Variants in POLD3 observed in about 807,000 individuals in gnomAD.
POLD3 encodes the protein DNA polymerase delta subunit 3.
POLD3 carries 19 observed loss-of-function variants against 58.2 expected under a neutral mutation model. The ratio of observed to expected loss-of-function variants is 0.33; its 90% confidence interval spans 0.23 to 0.48. The LOEUF (loss-of-function observed/expected upper bound fraction) is 0.48, where lower values mean the gene tolerates loss of function less well. Among genes scored for constraint, POLD3 ranks in the 20% least tolerant of loss-of-function variants. The pLI, the probability that POLD3 is intolerant of heterozygous loss-of-function variation, is 0.99. For synonymous variants in POLD3, 172 were observed against 193.5 expected, an observed-to-expected ratio of 0.89 and a Z score of 0.92; for missense variants, 504 against 545.5, an observed-to-expected ratio of 0.92 and a Z score of 0.76.
At chr11:74,660,723 G>A (rs1330711083) in intron 4 of POLD3, among the ~76,000 whole-genome samples, 2 of 152,032 alleles carry the variant, frequency 1.3e-5, no homozygotes, top group Non-Finnish European at 2.9e-5. Context: ...TCCTTCTCTG[G>A]CCAGGTAAGG....
chr11:74,600,881 G>C (rs1017054372), intron 2 of POLD3, among the ~76,000 whole-genome samples: 14 of 151,720 alleles, frequency 9.2e-5, no homozygotes, highest in Admixed American at 3.3e-4. Context: ...CCATGTGCCC[G>C]GCTAATTTTG....
At chr11:74,611,301 A>G (rs2031903280) in intron 3 of POLD3, among the ~76,000 whole-genome samples, 198 bp from the exon 4 acceptor site, 1 of 152,180 alleles carries the variant, frequency 6.6e-6, no homozygotes, top group Non-Finnish European at 1.5e-5. Context: ...AAGTTTTAAG[A>G]TAAGCAAATT....
In POLD3 at chr11:74,629,277, G is replaced by C. The variant is rs2032518796; in HGVS notation, c.960G>C (p.Lys320Asn). ...AGGAAACTGAAAACATGAGGAAAAA[G>C]AGGAGAAGAATCAAACTTCCTGAAT... is the stretch of plus-strand genomic sequence containing the variant. ...ETKETENMRK[K>N]RRRIKLPESD... The change falls in exon 9 of 12, where the codon AAG (lysine) becomes AAC (asparagine). Residue 320 changes from lysine (K) to asparagine (N), a missense_variant. By Grantham distance (94) the Lys-to-Asn change is moderately conservative. Around this residue, in one of 2 missense-constraint regions of POLD3, gnomAD observed 385 missense variants for 370.5 expected, o/e 1.04. Coordinates refer to ENST00000263681, the MANE Select transcript of POLD3 (RefSeq NM_006591.3). 1 of 1,609,642 alleles carries C rather than the reference G, an allele frequency of 6.2e-7. No individual in the cohort carries two copies. The highest frequency in any genetic ancestry group is 1.3e-5 in the African/African-American group (1 of 74,518).
At chr11:74,656,594 A>AC (rs1265667329) in intron 4 of POLD3, among the ~76,000 whole-genome samples, 2 of 152,030 alleles carry the variant, frequency 1.3e-5, no homozygotes, top group African/African-American at 4.8e-5. Flanking sequence ...CTCAAAAAAA[A>AC]AAATTCTTCA....
chr11:74,658,239 A>T (rs954367498), intron 4 of POLD3, among the ~76,000 whole-genome samples: 2 of 152,202 alleles, frequency 1.3e-5, no homozygotes, highest in African/African-American at 4.8e-5. Flanking sequence ...TGATAAACAC[A>T]TCAGATCTTG....
rs1565122953 is a variant in POLD3, at chr11:74,625,529, CA to C, written c.861del (p.Ala288GlnfsTer17). On this transcript the variant is annotated frameshift_variant, in exon 8 of 12. Coordinates refer to ENST00000263681, the MANE Select transcript of POLD3 (RefSeq NM_006591.3). LOFTEE classifies it high-confidence loss of function. ...CTCCTGCAGGCCTGAAAAAATCCAG[CA>C]AAAAAGCAGAGCCTGTTAAGGTGCT... is the stretch of plus-strand genomic sequence containing the variant. ...ATPAGLKKSS[K>X]KAEPVKVLQK... The C allele has an allele frequency of 1.2e-6, 2 of 1,610,490 alleles. No homozygotes were observed. Among genetic ancestry groups the C allele is most frequent in the Non-Finnish European group, 1.7e-6 (2 of 1,178,502 alleles).
At chr11:74,639,528 A>C (rs895572332) in intron 11 of POLD3, among the ~76,000 whole-genome samples, 1 of 152,266 alleles carries the variant, frequency 6.6e-6, no homozygotes, top group African/African-American at 2.4e-5. Flanking sequence ...CGCTTGCTGC[A>C]ACCAGGAAGG....
At chr11:74,636,721 C>T (rs971638460) in intron 11 of POLD3, among the ~76,000 whole-genome samples, 4 of 151,998 alleles carry the variant, frequency 2.6e-5, no homozygotes, top group Admixed American at 6.6e-5. Flanking sequence ...AAAGAAGCTA[C>T]AGATGATTAG....
At chr11:74,608,814 A>C (rs749677001) in intron 3 of POLD3, among the ~76,000 whole-genome samples, 1 of 152,174 alleles carries the variant, frequency 6.6e-6, no homozygotes, top group Non-Finnish European at 1.5e-5. Context: ...TAAGCTCTGT[A>C]ATTTTTAGTG....
At chr11:74,667,211 C>A (rs1390220348) in intron 4 of POLD3, among the ~76,000 whole-genome samples, 1 of 152,190 alleles carries the variant, frequency 6.6e-6, no homozygotes, top group Non-Finnish European at 1.5e-5. Context: ...CACAACAATG[C>A]AAATGTTCTT....
intron 7 of POLD3, among the ~76,000 whole-genome samples, chr11:74,624,693 G>C (rs1444393462): frequency 6.6e-6 from 1 of 152,094 alleles, no homozygotes; most frequent in Non-Finnish European, 1.5e-5. Context: ...AGTTCTCCCT[G>C]CTGCACTGTA....
At chr11:74,599,230 C>A (rs893572746) in intron 2 of POLD3, among the ~76,000 whole-genome samples, 1 of 152,148 alleles carries the variant, frequency 6.6e-6, no homozygotes, top group Non-Finnish European at 1.5e-5. Flanking sequence ...TGGGATCTTG[C>A]TGTGTTGACC....
chr11:74,631,085 T>C (rs2032576443), intron 9 of POLD3, among the ~76,000 whole-genome samples: 1 of 152,222 alleles, frequency 6.6e-6, no homozygotes, highest in Non-Finnish European at 1.5e-5. Flanking sequence ...TGACATTTTA[T>C]TCTTAAATTT....
At chr11:74,623,610 T>C (rs10899018) in intron 7 of POLD3, among the ~76,000 whole-genome samples, 60,200 of 152,006 alleles carry the variant, frequency 0.4, 12,950 homozygotes, top group African/African-American at 0.56. Context: ...TGAATTTTAT[T>C]GTATGTGAAT....
intron 2 of POLD3, among the ~76,000 whole-genome samples, chr11:74,602,563 C>T (rs1301753924): frequency 6.6e-6 from 1 of 152,160 alleles, no homozygotes; most frequent in Non-Finnish European, 1.5e-5. Flanking sequence ...ACTGCTACTG[C>T]CCCAAACTGA....
intron 5 of POLD3, 52 bp downstream of exon 5, chr11:74,613,062 A>G: frequency 2.6e-6 from 4 of 1,537,988 alleles, no homozygotes; most frequent in Non-Finnish European, 3.5e-6. Flanking sequence ...ATTTTGTAAG[A>G]TGTTTACACA....
intron 3 of POLD3, among the ~76,000 whole-genome samples, chr11:74,606,388 C>T (rs2031674944): frequency 6.6e-6 from 1 of 152,134 alleles, no homozygotes; most frequent in Non-Finnish European, 1.5e-5. Context: ...GTCAACTGAC[C>T]TTCTGTCTCT....
At position 74,619,695 on chromosome 11, in the gene POLD3, G is replaced by A. The variant is rs1222547278; in HGVS notation, c.661-322G>A. ...AATGTTTTAGGTTTTCCCGCTTTGT[G>A]TACATACTGCCTCTGATCTTTTTTA... On this transcript the variant is annotated intron_variant, in intron 6 of 11. Coordinates refer to ENST00000263681, the MANE Select transcript of POLD3 (RefSeq NM_006591.3). Among the ~76,000 whole-genome samples, 3 of 152,140 alleles carry A rather than the reference G, an allele frequency of 2.0e-5. No homozygotes were observed. In the East Asian group the frequency reaches 5.8e-4, roughly 29 times the overall value.
chr11:74,654,772 C>G (rs2033112486), intron 4 of POLD3, among the ~76,000 whole-genome samples: 1 of 152,060 alleles, frequency 6.6e-6, no homozygotes, highest in South Asian at 2.1e-4. Flanking sequence ...TGATTTGAAG[C>G]AGAATTTGAA....
Sources: allele counts gnomAD v4.1 joint callset (sites outside exome capture counted in the v4.1 genomes callset), GRCh38; gene constraint gnomAD v4.1.1; regional missense constraint gnomAD v4.1.1; transcripts MANE v1.5; gene names NCBI Gene and HGNC (gene_info 2026-07-23, HGNC 2026-07-21).